Variants in ESR1 observed in about 807,000 individuals in gnomAD.
The protein encoded by ESR1 is estrogen receptor.
A neutral mutation model predicts 52.7 loss-of-function variants in ESR1; 12 were observed. The observed-to-expected ratio is 0.23, with a 90% confidence interval of 0.15 to 0.37. ESR1 has a LOEUF of 0.37. ESR1 is among the 10% of genes least tolerant of loss of function. ESR1 has a pLI of 1.00. For synonymous variants in ESR1, 305 were observed against 316.8 expected (o/e 0.96, Z 0.39); for missense variants, 584 against 779.7 (o/e 0.75, Z 2.99).
chr6:151,772,161 A>T (rs1405659112), intron 2 of ESR1, among the ~76,000 whole-genome samples: 1 of 152,184 alleles, frequency 6.6e-6, no homozygotes, highest in East Asian at 1.9e-4. Context: ...CTGGGAAACC[A>T]CTTTAGTAAT....
intron 2 of ESR1, among the ~76,000 whole-genome samples, chr6:151,875,749 T>C (rs1791695326): frequency 6.6e-6 from 1 of 152,028 alleles, no homozygotes; most frequent in Admixed American, 6.6e-5. Context: ...ATGTGCCAAG[T>C]CCTGGGGGTG....
At chr6:151,919,887 C>G (rs1257232504) in intron 3 of ESR1, among the ~76,000 whole-genome samples, 2 of 152,154 alleles carry the variant, frequency 1.3e-5, no homozygotes, top group African/African-American at 4.8e-5. Flanking sequence ...CACACACACA[C>G]AGGTATATGT....
At chr6:151,872,304 G>T (rs190621023) in intron 2 of ESR1, among the ~76,000 whole-genome samples, 2 of 152,192 alleles carry the variant, frequency 1.3e-5, no homozygotes, top group East Asian at 3.9e-4. Context: ...TCCCAATTCA[G>T]ATCTTTTTTT....
At chr6:151,888,527 A>G (rs958937858) in intron 3 of ESR1, among the ~76,000 whole-genome samples, 2 of 152,162 alleles carry the variant, frequency 1.3e-5, no homozygotes, top group Non-Finnish European at 2.9e-5. Context: ...CTCTTCTGAA[A>G]CTTTACTGAA....
intron 6 of ESR1, chr6:152,122,513 T>C: frequency 6.2e-7 from 1 of 1,614,196 alleles, no homozygotes; most frequent in African/African-American, 1.3e-5. Context: ...AGGGCACAGC[T>C]GTAGTCTTCC....
intron 2 of ESR1, among the ~76,000 whole-genome samples, chr6:151,754,122 T>G (rs1177612722): frequency 6.6e-6 from 1 of 152,114 alleles, no homozygotes; most frequent in African/African-American, 2.4e-5. Context: ...CAAGTCAAAA[T>G]AGTCAATGGA....
At chr6:151,903,213 A>G (rs186527644) in intron 3 of ESR1, among the ~76,000 whole-genome samples, 212 of 152,194 alleles carry the variant, frequency 1.4e-3, no homozygotes, top group Admixed American at 2.7e-3. Context: ...CTCATTTAGA[A>G]TTCCCTGGAA....
chr6:151,683,521 G>A (rs1685774924), intron 1 of ESR1, among the ~76,000 whole-genome samples: 1 of 151,750 alleles, frequency 6.6e-6, no homozygotes, highest in Admixed American at 6.6e-5. Flanking sequence ...CTTGGATGTA[G>A]GTGGAGTAAG....
Position 152,094,536 on chromosome 6 carries a change from C to T in ESR1, c.1521C>T (p.Leu507=), listed in dbSNP as rs199620236. The T allele has an allele frequency of 2.5e-6, 4 of 1,614,086 alleles. No individual in the cohort carries two copies. The highest frequency in any genetic ancestry group is 2.7e-5 in the African/African-American group (2 of 75,022). ...LQQQHQRLAQ[L]LLILSHIRHM... ...AGCAGCACCAGCGGCTGGCCCAGCT[C>T]CTCCTCATCCTCTCCCACATCAGGC... Residue 507 remains leucine (L), a synonymous_variant, in exon 7 of 8, where the codon CTC becomes CTT. Coordinates refer to ENST00000206249, the MANE Select transcript of ESR1 (RefSeq NM_000125.4). The surrounding 1 kb of genome is among the most constrained non-coding windows in gnomAD (Gnocchi z 4.6).
At chr6:152,125,303 C>T (rs541696196) in exon 7 of ESR1, 1 of 1,550,416 alleles carries the variant, frequency 6.4e-7, no homozygotes, top group South Asian at 1.2e-5. Flanking sequence ...GAATCCTGAA[C>T]TTGCATCCTA....
chr6:151,687,445 T>C, upstream of ESR1, among the ~76,000 whole-genome samples: 1 of 152,238 alleles, frequency 6.6e-6, no homozygotes, highest in East Asian at 1.9e-4. Flanking sequence ...TTTTGAGCAG[T>C]GCCCAGTGGG....
At chr6:151,731,356 T>C (rs111651445) in intron 2 of ESR1, among the ~76,000 whole-genome samples, 10 of 149,698 alleles carry the variant, frequency 6.7e-5, no homozygotes, top group African/African-American at 2.5e-4. Context: ...ACTCCATCTC[T>C]CAAGAAAAAA....
chr6:151,772,395 G>A (rs979984377), intron 2 of ESR1, among the ~76,000 whole-genome samples: 1 of 152,120 alleles, frequency 6.6e-6, no homozygotes, highest in Admixed American at 6.6e-5. Context: ...AATAACTTTT[G>A]CATCATATTA....
intron 1 of ESR1, among the ~76,000 whole-genome samples, chr6:151,832,415 A>T (rs554431744): frequency 5.6e-4 from 85 of 152,292 alleles, no homozygotes; most frequent in Middle Eastern, 6.8e-3. Flanking sequence ...ATACAAAATA[A>T]ATACATACAA....
intron 6 of ESR1, among the ~76,000 whole-genome samples, chr6:152,085,293 A>T (rs2049608242): frequency 6.6e-6 from 1 of 151,864 alleles, no homozygotes; most frequent in Admixed American, 6.6e-5. Context: ...ACAGAGCAAG[A>T]CCCTGTCTCT....
chr6:151,971,829 G>GAAAC (rs1040113101), intron 4 of ESR1, among the ~76,000 whole-genome samples: 5 of 152,126 alleles, frequency 3.3e-5, no homozygotes, highest in African/African-American at 1.2e-4. Context: ...AAATGAAATT[G>GAAAC]AAACAAACAA....
intron 2 of ESR1, among the ~76,000 whole-genome samples, chr6:151,738,535 T>C (rs955567974): frequency 2.0e-5 from 3 of 152,222 alleles, no homozygotes; most frequent in Non-Finnish European, 2.9e-5. Context: ...CGCTATTTTT[T>C]GGGTGTTATT....
chr6:151,782,606 C>T (rs1446348536), intron 2 of ESR1, among the ~76,000 whole-genome samples: 2 of 152,046 alleles, frequency 1.3e-5, no homozygotes, highest in African/African-American at 4.8e-5. Context: ...ATATTTCCCT[C>T]CAGAAATGTG....
chr6:151,915,851 C>G (rs374934913), intron 3 of ESR1, among the ~76,000 whole-genome samples: 1 of 106,784 alleles, frequency 9.4e-6, no homozygotes, highest in East Asian at 3.1e-4. Flanking sequence ...CTCTCTTTCT[C>G]TCTCTCTCTC....
Sources: allele counts gnomAD v4.1 joint callset (sites outside exome capture counted in the v4.1 genomes callset), GRCh38; gene constraint gnomAD v4.1.1; non-coding constraint Gnocchi (gnomAD v3.1); transcripts MANE v1.5; gene names NCBI Gene and HGNC (gene_info 2026-07-23, HGNC 2026-07-21).